The following FRS2 variants were observed in gnomAD, a reference collection of about 807,000 sequenced individuals.
FRS2 encodes the protein fibroblast growth factor receptor substrate 2.
FRS2 carries 8 observed loss-of-function variants against 43.9 expected under a neutral mutation model. The observed-to-expected ratio is 0.18, with a 90% CI of 0.11 to 0.33. FRS2 has a LOEUF of 0.33. Ranked by LOEUF, FRS2 falls within the 10% of genes least tolerant of loss-of-function variation. FRS2 has a pLI of 1.00. For synonymous variants in FRS2, 219 were observed against 220.3 expected, an observed-to-expected ratio of 0.99 and a Z score of 0.05; for missense variants, 534 against 627.6, an observed-to-expected ratio of 0.85 and a Z score of 1.59.
chr12:69,565,608 A>C, intron 4 of FRS2, among the ~76,000 whole-genome samples: 1 of 152,042 alleles, frequency 6.6e-6, no homozygotes, highest in East Asian at 1.9e-4. Flanking sequence ...TTAACCTTTA[A>C]AACTTCTGTT....
intron 3 of FRS2, among the ~76,000 whole-genome samples, chr12:69,532,855 T>G (rs529805911): frequency 3.5e-4 from 54 of 152,360 alleles, no homozygotes; most frequent in Non-Finnish European, 6.2e-4. Flanking sequence ...TATTCATTGT[T>G]GAATAATCCC....
chr12:69,558,876 A>C (rs1879652098), intron 3 of FRS2, among the ~76,000 whole-genome samples: 1 of 152,246 alleles, frequency 6.6e-6, no homozygotes, highest in Admixed American at 6.5e-5. Flanking sequence ...ACGTGGTAGA[A>C]TGCCTCAGTG....
At chr12:69,552,463 G>C (rs1878973498) in intron 3 of FRS2, among the ~76,000 whole-genome samples, 1 of 152,066 alleles carries the variant, frequency 6.6e-6, no homozygotes, top group Non-Finnish European at 1.5e-5. Flanking sequence ...ACACAACCAA[G>C]AACTGGAAAG....
intron 1 of FRS2, among the ~76,000 whole-genome samples, chr12:69,517,549 A>C (rs1295690342): frequency 6.6e-6 from 1 of 152,066 alleles, no homozygotes; most frequent in Non-Finnish European, 1.5e-5. Flanking sequence ...GTGAGGCCAA[A>C]GCAGTGATCC....
chr12:69,510,873 C>A (rs889424750), intron 1 of FRS2, among the ~76,000 whole-genome samples: 4 of 152,086 alleles, frequency 2.6e-5, no homozygotes, highest in African/African-American at 9.7e-5. Context: ...GAATAAAAAT[C>A]AATGTAAAAT....
intron 3 of FRS2, among the ~76,000 whole-genome samples, chr12:69,545,524 A>C (rs1183254037): frequency 6.6e-6 from 1 of 152,096 alleles, no homozygotes; most frequent in Non-Finnish European, 1.5e-5. Context: ...TTGGGAGGCC[A>C]AGGTGGGTGA....
intron 1 of FRS2, among the ~76,000 whole-genome samples, chr12:69,508,069 G>A (rs1455191870): frequency 2.1e-5 from 3 of 146,164 alleles, no homozygotes; most frequent in African/African-American, 7.6e-5. Context: ...CTGCAGTGCT[G>A]CAGTTCTTGC....
At chr12:69,528,921 T>A (rs1054761258) in intron 1 of FRS2, among the ~76,000 whole-genome samples, 1 of 152,110 alleles carries the variant, frequency 6.6e-6, no homozygotes, top group South Asian at 2.1e-4. Flanking sequence ...AGTGAGAAGG[T>A]GCTTGATAAG....
At chr12:69,501,475 T>C (rs1446292013) in intron 1 of FRS2, among the ~76,000 whole-genome samples, 1 of 152,240 alleles carries the variant, frequency 6.6e-6, no homozygotes, top group East Asian at 1.9e-4. Context: ...GAATTAGATA[T>C]CTCTTGCTGT....
At position 69,536,101 on chromosome 12, in the gene FRS2, C is replaced by CTTTTTTT. The variant is rs71094720; in HGVS notation, c.-122+4079_-122+4085dup. The stretch of plus-strand genomic sequence containing the variant: ...TTTTGGTTACTGTAGTATTTTCATT[C>CTTTTTTT]TTTTTTTTTTTTTTTTTTTTTTTTT... On this transcript the variant is annotated intron_variant, in intron 3 of 8. Coordinates refer to ENST00000549921, the MANE Select transcript of FRS2 (RefSeq NM_001278356.2). Among the ~76,000 whole-genome samples the CTTTTTTT allele has an allele frequency of 8.1e-5, 3 of 37,210 alleles. 1 individual carries two copies. Among genetic ancestry groups the CTTTTTTT allele is most frequent in the Non-Finnish European group, 1.6e-4 (3 of 18,816 alleles). The allele number at this position is 37,210 out of a possible 152,430, so 24.4% of individuals were successfully genotyped here.
At position 69,540,382 on chromosome 12, in the gene FRS2, G is replaced by A. The variant is rs544486935; in HGVS notation, c.-122+8326G>A. 1.9e-4 allele frequency among the ~76,000 whole-genome samples: 29 copies of A among 150,726 alleles called. No individual in the cohort carries two copies. The South Asian group carries it at 5.4e-3, about 28-fold the overall frequency. ...GCTTTAACAAAAAACCCACAAAATGGGACTATGTCAAAGGGGCATAGGAGT... is the reference window on the plus strand; with the variant it reads ...GCTTTAACAAAAAACCCACAAAATGAGACTATGTCAAAGGGGCATAGGAGT... On this transcript the variant is annotated intron_variant, in intron 3 of 8. Coordinates refer to ENST00000549921, the MANE Select transcript of FRS2 (RefSeq NM_001278356.2).
At chr12:69,517,051 A>G (rs1592973443) in intron 1 of FRS2, among the ~76,000 whole-genome samples, 1 of 152,226 alleles carries the variant, frequency 6.6e-6, no homozygotes, top group African/African-American at 2.4e-5. Flanking sequence ...CATGGGCTAC[A>G]GTGAAAACAC....
intron 3 of FRS2, among the ~76,000 whole-genome samples, chr12:69,532,659 G>A (rs532321739): frequency 6.6e-6 from 1 of 152,196 alleles, no homozygotes; most frequent in South Asian, 2.1e-4. Flanking sequence ...TTAAATTTCA[G>A]CATCTGAATT....
At chr12:69,528,867 T>C (rs890535286) in intron 1 of FRS2, among the ~76,000 whole-genome samples, 5 of 152,172 alleles carry the variant, frequency 3.3e-5, no homozygotes, top group Non-Finnish European at 4.4e-5. Context: ...GAGAGAGATA[T>C]CTCTTGTTAC....
intron 1 of FRS2, among the ~76,000 whole-genome samples, chr12:69,496,056 A>G (rs7308243): frequency 0.39 from 59,713 of 152,122 alleles, 12,402 homozygotes; most frequent in South Asian, 0.58. Flanking sequence ...CGATAATACT[A>G]ATTTTTTTCT....
intron 7 of FRS2, 31 bp from the exon 8 acceptor site, chr12:69,572,087 C>G (rs757270545): frequency 1.3e-6 from 2 of 1,595,812 alleles, no homozygotes; most frequent in Admixed American, 1.7e-5. Context: ...CCCCGCCCCC[C>G]TTTTCCTTAA....
chr12:69,529,677 A>G (rs1876600990), intron 1 of FRS2, among the ~76,000 whole-genome samples: 1 of 151,990 alleles, frequency 6.6e-6, no homozygotes, highest in Non-Finnish European at 1.5e-5. Flanking sequence ...ATATTTCATC[A>G]ATTTAAGTTA....
At chr12:69,547,660 G>A (rs573870127) in intron 3 of FRS2, among the ~76,000 whole-genome samples, 27 of 152,128 alleles carry the variant, frequency 1.8e-4, no homozygotes, top group Admixed American at 3.9e-4. Context: ...ATTTCTTTCA[G>A]AACTCCTTAT....
At chr12:69,568,578 TCTCTCTCTCTGTCC>T (rs1221799942) in intron 4 of FRS2, among the ~76,000 whole-genome samples, 1 of 151,674 alleles carries the variant, frequency 6.6e-6, no homozygotes, top group Non-Finnish European at 1.5e-5. Context: ...TCTCTCTGTC[TCTCTCTCTCTGTCC>T]CTCTCTGTCT....
Sources: gnomAD v4.1 joint callset for allele counts (sites outside exome capture counted in the v4.1 genomes callset) on GRCh38, gnomAD v4.1.1 for gene constraint, MANE v1.5 for transcripts, NCBI Gene and HGNC (gene_info 2026-07-23, HGNC 2026-07-21) for gene names.